Variants in RAPGEF5 observed in about 807,000 individuals in gnomAD.
RAPGEF5 encodes the protein Rap guanine nucleotide exchange factor 5.
RAPGEF5 carries 65 observed loss-of-function variants against 125.2 expected under a neutral mutation model. The ratio of observed to expected loss-of-function variants is 0.52; its 90% CI spans 0.43 to 0.64. The LOEUF is 0.64. Ranked by LOEUF, RAPGEF5 falls within the 30% of genes least tolerant of loss-of-function variation. The probability of loss-of-function intolerance (pLI) is 0.00; values close to 1 mark genes in which losing one functional copy is unlikely to be tolerated. For synonymous variants in RAPGEF5, 391 were observed against 385.9 expected, an observed-to-expected ratio of 1.01 and a Z score of -0.16; for missense variants, 958 against 1,048.1, an observed-to-expected ratio of 0.91 and a Z score of 1.19.
chr7:22,139,577 G>A (rs767886120), intron 21 of RAPGEF5, among the ~76,000 whole-genome samples: 3 of 152,368 alleles, frequency 2.0e-5, no homozygotes, highest in South Asian at 2.1e-4. Flanking sequence ...ACTTTAGAAC[G>A]TTTTGTGGAT....
At chr7:22,139,913 T>G in intron 21 of RAPGEF5, 112 bp downstream of exon 21, 1 of 914,172 alleles carries the variant, frequency 1.1e-6, no homozygotes, top group East Asian at 2.7e-5. Flanking sequence ...CCTACCACCT[T>G]GACATATGAC....
intron 11 of RAPGEF5, among the ~76,000 whole-genome samples, chr7:22,183,240 G>C (rs1415650136): frequency 8.3e-6 from 1 of 120,224 alleles, no homozygotes; most frequent in East Asian, 2.6e-4. Context: ...TTGCACTCCA[G>C]CCTGGGTAAC....
At position 22,123,956 on chromosome 7, in the gene RAPGEF5, G is replaced by A. The variant is rs1485374700; in HGVS notation, c.2537-1435C>T. On this transcript the variant is annotated intron_variant, in intron 25 of 25. Coordinates refer to ENST00000665637, the MANE Select transcript of RAPGEF5 (RefSeq NM_012294.5). ...TATTTTATCCCAAATGCTGACATTGGTTTACTATGCTCATATAAACCGTTA... is the reference window on the plus strand; with the variant it reads ...TATTTTATCCCAAATGCTGACATTGATTTACTATGCTCATATAAACCGTTA... Among the ~76,000 whole-genome samples the A allele has an allele frequency of 5.9e-5, 9 of 152,272 alleles. No homozygotes were observed. In the South Asian group the frequency reaches 1.2e-3, roughly 21 times the overall value.
At chr7:22,248,000 C>G (rs367566688) in intron 7 of RAPGEF5, among the ~76,000 whole-genome samples, 1 of 151,958 alleles carries the variant, frequency 6.6e-6, no homozygotes, top group Non-Finnish European at 1.5e-5. Context: ...GGGCAAGGGC[C>G]GAAAAACTAT....
chr7:22,322,423 C>T (rs80001593), intron 1 of RAPGEF5, among the ~76,000 whole-genome samples: 2 of 151,844 alleles, frequency 1.3e-5, no homozygotes, highest in Admixed American at 6.6e-5. Context: ...CTGGGATTAC[C>T]GGTGTGAGCT....
At chr7:22,220,172 T>C (rs1785750874) in intron 8 of RAPGEF5, 181 bp from the exon 9 acceptor site, 4 of 719,242 alleles carry the variant, frequency 5.6e-6, no homozygotes, top group Admixed American at 5.9e-5. Flanking sequence ...AAGAGCACCA[T>C]GCCAAAAGAC....
intron 1 of RAPGEF5, among the ~76,000 whole-genome samples, chr7:22,337,730 C>T (rs1268133844): frequency 6.6e-6 from 1 of 152,178 alleles, no homozygotes; most frequent in Non-Finnish European, 1.5e-5. Context: ...TACAAAGGTG[C>T]TTTCAGTGGG....
At chr7:22,353,934 T>C (rs1784375786) in intron 1 of RAPGEF5, among the ~76,000 whole-genome samples, 1 of 152,014 alleles carries the variant, frequency 6.6e-6, no homozygotes, top group Admixed American at 6.5e-5. Flanking sequence ...TAGCCAAGCA[T>C]GGTGGTGTGT....
intron 7 of RAPGEF5, among the ~76,000 whole-genome samples, chr7:22,243,152 A>G (rs1017289306): frequency 1.3e-5 from 2 of 152,182 alleles, no homozygotes; most frequent in East Asian, 1.9e-4. Flanking sequence ...TTGAATATCA[A>G]TGTAAGTACT....
chr7:22,335,494 G>A (rs1487903494), intron 1 of RAPGEF5, among the ~76,000 whole-genome samples: 1 of 151,986 alleles, frequency 6.6e-6, no homozygotes, highest in Non-Finnish European at 1.5e-5. Context: ...AGGACAACTG[G>A]CACCATGCTG....
intron 7 of RAPGEF5, among the ~76,000 whole-genome samples, chr7:22,240,347 C>T (rs184886690): frequency 6.7e-6 from 1 of 148,768 alleles, no homozygotes; most frequent in Admixed American, 6.7e-5. Flanking sequence ...ATATTTTTCT[C>T]GAGAGGCAGA....
At chr7:22,298,498 A>C (rs1452295431) in intron 5 of RAPGEF5, 1 of 152,120 alleles carries the variant, frequency 6.6e-6, no homozygotes, top group Non-Finnish European at 1.5e-5. Context: ...TCTTTCTCTG[A>C]AATTTGTCAT....
chr7:22,160,952 T>C (rs929469976), intron 13 of RAPGEF5, among the ~76,000 whole-genome samples: 4 of 151,890 alleles, frequency 2.6e-5, no homozygotes, highest in Non-Finnish European at 4.4e-5. Flanking sequence ...ATTCCAACAC[T>C]TTGGGAGGCT....
chr7:22,151,032 A>G (rs1162147115), intron 17 of RAPGEF5, among the ~76,000 whole-genome samples: 8 of 152,220 alleles, frequency 5.3e-5, no homozygotes, highest in African/African-American at 1.4e-4. Flanking sequence ...AATTATTTAC[A>G]TATGTCATGT....
At chr7:22,158,103 G>A (rs974697915) in intron 14 of RAPGEF5, among the ~76,000 whole-genome samples, 1 of 152,332 alleles carries the variant, frequency 6.6e-6, no homozygotes, top group Admixed American at 6.5e-5. Context: ...TTCAACAGAT[G>A]TACTTTGCCT....
intron 21 of RAPGEF5, among the ~76,000 whole-genome samples, chr7:22,139,543 G>C (rs983630058): frequency 6.6e-6 from 1 of 152,262 alleles, no homozygotes; most frequent in African/African-American, 2.4e-5. Flanking sequence ...TCGGCGTGCA[G>C]AGCCAGGAAG....
chr7:22,191,095 C>G (rs984368795), intron 11 of RAPGEF5, among the ~76,000 whole-genome samples: 1 of 152,100 alleles, frequency 6.6e-6, no homozygotes, highest in East Asian at 1.9e-4. Context: ...CTTACCTGAC[C>G]GAGATAAAGA....
intron 22 of RAPGEF5, among the ~76,000 whole-genome samples, 200 bp downstream of exon 22, chr7:22,136,733 G>A (rs757487064): frequency 3.3e-5 from 5 of 152,096 alleles, no homozygotes; most frequent in African/African-American, 7.2e-5. Context: ...TTTTCACTAC[G>A]TTTTTAGAAG....
chr7:22,132,965 G>T (rs1782961291), intron 23 of RAPGEF5, among the ~76,000 whole-genome samples: 1 of 152,200 alleles, frequency 6.6e-6, no homozygotes, highest in Non-Finnish European at 1.5e-5. Flanking sequence ...CCTCACCACT[G>T]CGCCTCTCCA....
Sources: allele counts gnomAD v4.1 joint callset (sites outside exome capture counted in the v4.1 genomes callset), GRCh38; gene constraint gnomAD v4.1.1; transcripts MANE v1.5; gene names NCBI Gene and HGNC (gene_info 2026-07-23, HGNC 2026-07-21).